ITGB8: variants seen among roughly 807,000 people sequenced by gnomAD.
ITGB8 encodes the protein integrin beta-8.
In ITGB8, 30 loss-of-function variants were observed where a neutral mutation model predicts 89.5. The ratio of observed to expected loss-of-function variants is 0.34; its 90% CI spans 0.25 to 0.45. The LOEUF is 0.45. ITGB8 is among the 20% of genes least tolerant of loss of function. The pLI is 1.00. For missense variants in ITGB8, 836 were observed against 933.3 expected (o/e 0.90, Z 1.36); for synonymous variants, 335 against 320.4 (o/e 1.05, Z -0.49).
At chr7:20,353,405 C>T (rs930961279) in intron 1 of ITGB8, 1 of 152,092 alleles carries the variant, frequency 6.6e-6, no homozygotes, top group Non-Finnish European at 1.5e-5. Context: ...ACTGGCATTA[C>T]AAGAAAATTC....
chr7:20,365,169 T>C (rs546317589), intron 2 of ITGB8: 1 of 152,204 alleles, frequency 6.6e-6, no homozygotes, highest in Admixed American at 6.5e-5. Flanking sequence ...GAAGGAGGGA[T>C]TTTGAGTATT....
chr7:20,346,924 T>C (rs973601735), intron 1 of ITGB8: 1 of 869,434 alleles, frequency 1.2e-6, no homozygotes, highest in Non-Finnish European at 1.4e-6. Flanking sequence ...CCAAAATTCA[T>C]GTGTTGAAAT....
chr7:20,415,374 A>G lies in ITGB8; in HGVS notation c.*5377A>G, dbSNP rs544256116. 2 of 152,030 alleles carry G rather than the reference A, an allele frequency of 1.3e-5. No individual in the cohort carries two copies. The highest frequency in any genetic ancestry group is 3.9e-4 in the East Asian group (2 of 5,194). 9.4% of individuals were successfully genotyped at this position (152,030 alleles called of 1,614,324 possible). A position where few individuals can be genotyped will look rare whatever the true frequency, so the allele number is the denominator to read the frequency against. ...CTGCGTTTGTAAAAATAAATTTAAT[A>G]TAGAATATATTTTTAAATTAAATAT... On this transcript the variant is annotated 3_prime_UTR_variant, in exon 14 of 14. Coordinates refer to ENST00000222573, the MANE Select transcript of ITGB8 (RefSeq NM_002214.3).
intron 1 of ITGB8, among the ~76,000 whole-genome samples, chr7:20,348,127 TAA>T (rs1215912583): frequency 6.6e-6 from 1 of 152,210 alleles, no homozygotes; most frequent in African/African-American, 2.4e-5. Context: ...AATATAATGG[TAA>T]AGTTAGGGTC....
chr7:20,338,130 A>G (rs1325999404), intron 1 of ITGB8, among the ~76,000 whole-genome samples: 1 of 152,210 alleles, frequency 6.6e-6, no homozygotes, highest in African/African-American at 2.4e-5. Flanking sequence ...AGAAATCTGG[A>G]GGTGAATATT....
chr7:20,378,097 AATAG>A (rs1467306645), intron 3 of ITGB8, among the ~76,000 whole-genome samples: 1 of 152,252 alleles, frequency 6.6e-6, no homozygotes, highest in East Asian at 1.9e-4. Context: ...CTTACATTTA[AATAG>A]ATGCCTTTTC....
chr7:20,357,933 GTTTT>G (rs199849812), intron 1 of ITGB8, among the ~76,000 whole-genome samples: 1 of 151,816 alleles, frequency 6.6e-6, no homozygotes, highest in African/African-American at 2.4e-5. Context: ...GTCAAGGCAG[GTTTT>G]TTTTGTTATC....
At chr7:20,359,172 A>AT (rs141528072) in intron 1 of ITGB8, among the ~76,000 whole-genome samples, 44 of 149,610 alleles carry the variant, frequency 2.9e-4, no homozygotes, top group Admixed American at 8.7e-4. Flanking sequence ...AAGGCAGTAC[A>AT]TTTTTTTTTT....
intron 2 of ITGB8, chr7:20,366,697 G>A (rs1785711129): frequency 9.0e-6 from 2 of 221,312 alleles, no homozygotes; most frequent in Admixed American, 1.2e-4. Flanking sequence ...CCTGGGAGAT[G>A]GAGGTGGCAG....
At chr7:20,343,832 A>C (rs1476563909) in intron 1 of ITGB8, among the ~76,000 whole-genome samples, 1 of 152,148 alleles carries the variant, frequency 6.6e-6, no homozygotes, top group Non-Finnish European at 1.5e-5. Flanking sequence ...TAATTAATTA[A>C]ATTCTATGGC....
Position 20,333,987 on chromosome 7 carries a change from T to C in ITGB8, c.127+2054T>C, listed in dbSNP as rs191542590. Among the ~76,000 whole-genome samples the C allele has an allele frequency of 8.1e-4, 123 of 152,294 alleles. 2 individuals carry two copies. In the East Asian group the frequency reaches 0.017, roughly 21 times the overall value. On this transcript the variant is annotated intron_variant, in intron 1 of 13. Coordinates refer to ENST00000222573, the MANE Select transcript of ITGB8 (RefSeq NM_002214.3). ...AGTTACAATGGAAATCTTGTTTCCT[T>C]GCTCAGTAGTTTACACCAGGAGAAT... is the stretch of plus-strand genomic sequence containing the variant.
At chr7:20,390,541 T>G (rs1018730335) in intron 6 of ITGB8, among the ~76,000 whole-genome samples, 3 of 152,086 alleles carry the variant, frequency 2.0e-5, no homozygotes, top group African/African-American at 7.2e-5. Flanking sequence ...AGTGCCACAG[T>G]TGGCACAACA....
intron 1 of ITGB8, among the ~76,000 whole-genome samples, chr7:20,340,720 A>C (rs1784729666): frequency 6.6e-6 from 1 of 152,190 alleles, no homozygotes; most frequent in South Asian, 2.1e-4. Flanking sequence ...CCATATATTT[A>C]GGATTATTTC....
chr7:20,360,348 A>ATTTTTTTTT (rs71020629), intron 1 of ITGB8, among the ~76,000 whole-genome samples: 57,720 of 127,186 alleles, frequency 0.45, 13,895 homozygotes, highest in Middle Eastern at 0.62. Context: ...CAGTCCTTTA[A>ATTTTTTTTT]TTTTTTTTTT....
chr7:20,355,781 G>A (rs1311850073), intron 1 of ITGB8, among the ~76,000 whole-genome samples: 5 of 152,218 alleles, frequency 3.3e-5, no homozygotes, highest in Admixed American at 2.0e-4. Flanking sequence ...GACACTGCAA[G>A]AGAGTAGTAT....
chr7:20,353,387 G>A (rs1236114963), intron 1 of ITGB8: 1 of 152,124 alleles, frequency 6.6e-6, no homozygotes, highest in Non-Finnish European at 1.5e-5. Flanking sequence ...ATTTAGTGCT[G>A]TTTCCTAACT....
In ITGB8 at chr7:20,331,117, G is replaced by A. The variant is rs1352440912; in HGVS notation, c.-690G>A. On this transcript the variant is annotated 5_prime_UTR_variant, in exon 1 of 14. Transcript: ENST00000222573. ...TGCGGGTGTCGGCGGGTGCTTCTAG[G>A]GCGCTCCCAGAGCCGCCTCCCCCTG... The A allele has an allele frequency of 6.5e-6, 1 of 154,740 alleles. No individual in the cohort carries two copies. The highest frequency in any genetic ancestry group is 2.1e-4 in the South Asian group (1 of 4,862). The allele number at this position is 154,740 out of a possible 1,614,324, so 9.6% of individuals were successfully genotyped here. A position where few individuals can be genotyped will look rare whatever the true frequency, so the allele number is the denominator to read the frequency against.
chr7:20,356,273 T>A (rs1157167093), intron 1 of ITGB8, among the ~76,000 whole-genome samples: 1 of 152,214 alleles, frequency 6.6e-6, no homozygotes, highest in Non-Finnish European at 1.5e-5. Flanking sequence ...TCATGGCAAG[T>A]GATTAGAATG....
At chr7:20,342,455 C>T (rs550893184) in intron 1 of ITGB8, among the ~76,000 whole-genome samples, 1 of 152,176 alleles carries the variant, frequency 6.6e-6, no homozygotes, top group Non-Finnish European at 1.5e-5. Context: ...TTCTAGGCCT[C>T]TAAGGATGCT....
Sources: allele counts gnomAD v4.1 joint callset (sites outside exome capture counted in the v4.1 genomes callset), GRCh38; gene constraint gnomAD v4.1.1; transcripts MANE v1.5; gene names NCBI Gene and HGNC (gene_info 2026-07-23, HGNC 2026-07-21).